Variants in MOXD1 observed in about 807,000 individuals in gnomAD.
MOXD1 encodes DBH-like monooxygenase protein 1.
MOXD1 carries 62 observed loss-of-function variants against 66.6 expected under a neutral mutation model. That is an observed-to-expected ratio of 0.93 (90% CI 0.76 to 1.15). MOXD1 has a LOEUF of 1.15. Ranked by LOEUF, MOXD1 falls within the 50% of genes most tolerant of loss-of-function variation. The pLI is 0.00. For synonymous variants in MOXD1, 303 were observed against 281.9 expected, an observed-to-expected ratio of 1.07 and a Z score of -0.75; for missense variants, 847 against 754.6, an observed-to-expected ratio of 1.12 and a Z score of -1.44.
At chr6:132,324,712 TA>T (rs1452024766) in intron 6 of MOXD1, among the ~76,000 whole-genome samples, 1 of 152,218 alleles carries the variant, frequency 6.6e-6, no homozygotes, top group Non-Finnish European at 1.5e-5. Flanking sequence ...CACTTGTCGT[TA>T]TGAAATATTC....
intron 9 of MOXD1, among the ~76,000 whole-genome samples, chr6:132,319,665 A>G (rs762297861): frequency 9.3e-5 from 14 of 151,292 alleles, no homozygotes; most frequent in Non-Finnish European, 1.6e-4. Context: ...TCTCATTTTC[A>G]TTTCTTTTCC....
intron 1 of MOXD1, among the ~76,000 whole-genome samples, chr6:132,376,894 C>G (rs1046947887): frequency 6.6e-6 from 1 of 152,200 alleles, no homozygotes; most frequent in Non-Finnish European, 1.5e-5. Flanking sequence ...TCACATCTAT[C>G]AGATAAAACT....
intron 4 of MOXD1, among the ~76,000 whole-genome samples, chr6:132,335,683 G>T (rs894332468): frequency 1.3e-5 from 2 of 152,168 alleles, no homozygotes; most frequent in African/African-American, 4.8e-5. Flanking sequence ...ATAAATTTCT[G>T]CTGTTTGAAG....
At chr6:132,298,245 TC>T (rs1223520866) in intron 10 of MOXD1, among the ~76,000 whole-genome samples, 32 of 152,178 alleles carry the variant, frequency 2.1e-4, no homozygotes, top group African/African-American at 7.2e-4. Flanking sequence ...GGTCTGGAAC[TC>T]CCAGGCGCAA....
At chr6:132,397,636 CAGAAAGAAAGAA>C (rs71759740) in intron 1 of MOXD1, among the ~76,000 whole-genome samples, 10,023 of 122,262 alleles carry the variant, frequency 0.082, 409 homozygotes, top group African/African-American at 0.11. Flanking sequence ...GAGAGAGAGA[CAGAAAGAAAGAA>C]AGAAAGAAAG....
intron 4 of MOXD1, among the ~76,000 whole-genome samples, chr6:132,338,239 T>C (rs751196785): frequency 9.2e-5 from 14 of 152,210 alleles, no homozygotes; most frequent in Admixed American, 4.6e-4. Context: ...CACCACGTGA[T>C]ATACTCGTAT....
At chr6:132,393,133 C>A (rs371807636) in intron 1 of MOXD1, among the ~76,000 whole-genome samples, 1 of 148,752 alleles carries the variant, frequency 6.7e-6, no homozygotes, top group Non-Finnish European at 1.5e-5. Flanking sequence ...CTGCTTCCAA[C>A]TCCTTGTGAG....
chr6:132,322,689 GTTTGTTC>G lies in MOXD1; in HGVS notation c.1288_1294del (p.Glu430GlnfsTer8). The G allele has an allele frequency of 6.2e-7, 1 of 1,613,300 alleles. No individual in the cohort carries two copies. The highest frequency in any genetic ancestry group is 8.5e-7 in the Non-Finnish European group (1 of 1,179,568). ...CAAAAACATGCATACTGGTAAGATT[GTTTGTTC>G]TTCCTTTAGATACTGAAACTCCTGG... On this transcript the variant is annotated frameshift_variant, in exon 8 of 12. Transcript: ENST00000367963. LOFTEE classifies it high-confidence loss of function.
At chr6:132,386,225 AC>A (rs1344421990) in intron 1 of MOXD1, among the ~76,000 whole-genome samples, 1 of 144,768 alleles carries the variant, frequency 6.9e-6, no homozygotes, top group Admixed American at 7.2e-5. Flanking sequence ...ACACGGTGAA[AC>A]CCCGTCTCTA....
rs1262472771 is a variant in MOXD1 at position 132,297,882 on chromosome 6, T to TA, written c.1581dup (p.Lys528Ter). On this transcript the variant is annotated frameshift_variant, in exon 11 of 12. Transcript: ENST00000367963. LOFTEE classifies it high-confidence loss of function. Reference sequence around the variant, plus strand: ...GAGAGACCTTCCTTTTTAGTCCATTTAAACTTATTCATAGCATCCATGAAA... The same window carrying TA: ...GAGAGACCTTCCTTTTTAGTCCATTTAAAACTTATTCATAGCATCCATGAAA... 5 of 1,613,468 alleles carry TA rather than the reference T, an allele frequency of 3.1e-6. No individual in the cohort carries two copies. The highest frequency in any genetic ancestry group is 2.5e-6 in the Non-Finnish European group (3 of 1,179,678).
chr6:132,339,895 A>T (rs1365856789), intron 4 of MOXD1, among the ~76,000 whole-genome samples: 2 of 128,806 alleles, frequency 1.6e-5, no homozygotes, highest in Admixed American at 1.6e-4. Flanking sequence ...TCTGTGATGG[A>T]GTCTCACTCC....
intron 4 of MOXD1, among the ~76,000 whole-genome samples, chr6:132,357,218 T>A (rs1264790607): frequency 1.3e-5 from 2 of 152,104 alleles, no homozygotes; most frequent in Non-Finnish European, 2.9e-5. Context: ...ATAAAATATC[T>A]CTTAGCACTT....
At position 132,305,466 on chromosome 6, in the gene MOXD1, G is replaced by C. The variant is rs575752064; in HGVS notation, c.1509-7511C>G. On this transcript the variant is annotated intron_variant, in intron 10 of 11. Coordinates refer to ENST00000367963, the MANE Select transcript of MOXD1 (RefSeq NM_015529.4). ...AGCTCTGAGGAATCCAGGCAGCCCA[G>C]ATGAGTGGGTTTTCTCCCAACAAGG... Among the ~76,000 whole-genome samples, 15 of 152,366 alleles carry C rather than the reference G, an allele frequency of 9.8e-5. 1 individual carries two copies. Among genetic ancestry groups the C allele is most frequent in the African/African-American group, 3.4e-4 (14 of 41,592 alleles).
chr6:132,364,630 T>C (rs1352151322), intron 4 of MOXD1, among the ~76,000 whole-genome samples: 3 of 152,204 alleles, frequency 2.0e-5, no homozygotes, highest in Non-Finnish European at 4.4e-5. Context: ...TTGCTCACCC[T>C]GGCACTCCTA....
intron 1 of MOXD1, among the ~76,000 whole-genome samples, chr6:132,386,444 A>C (rs1414713696): frequency 2.1e-5 from 3 of 143,198 alleles, no homozygotes; most frequent in Admixed American, 1.4e-4. Context: ...AAAAAAAAAA[A>C]ACAAAAAAAA....
chr6:132,365,994 C>G (rs995347868), intron 4 of MOXD1, among the ~76,000 whole-genome samples: 4 of 152,028 alleles, frequency 2.6e-5, no homozygotes, highest in African/African-American at 9.7e-5. Context: ...CATTGTAACA[C>G]AAATTATTAA....
chr6:132,366,351 C>T (rs889650297), intron 4 of MOXD1, among the ~76,000 whole-genome samples: 1 of 151,782 alleles, frequency 6.6e-6, no homozygotes, highest in African/African-American at 2.4e-5. Context: ...ACACAAATAA[C>T]CATTAAGTCA....
At chr6:132,396,700 G>T (rs554092905) in intron 1 of MOXD1, among the ~76,000 whole-genome samples, 2 of 152,190 alleles carry the variant, frequency 1.3e-5, no homozygotes, top group African/African-American at 4.8e-5. Flanking sequence ...AAGTATAACT[G>T]ATATCAAAGA....
intron 7 of MOXD1, 139 bp downstream of exon 7, chr6:132,323,792 A>T: frequency 1.1e-6 from 1 of 905,120 alleles, no homozygotes; most frequent in Non-Finnish European, 1.6e-6. Context: ...CAAAAGTCCT[A>T]CTAAAATTGC....
Sources: allele counts gnomAD v4.1 joint callset (sites outside exome capture counted in the v4.1 genomes callset), GRCh38; gene constraint gnomAD v4.1.1; transcripts MANE v1.5; gene names NCBI Gene and HGNC (gene_info 2026-07-23, HGNC 2026-07-21).